The following COL14A1 variants were observed in gnomAD, a reference collection of about 807,000 sequenced individuals.
COL14A1 encodes the protein collagen alpha-1(XIV) chain.
Under a neutral mutation model 230.3 loss-of-function variants are expected in COL14A1, and 136 were observed. That is an observed-to-expected ratio of 0.59 (90% CI 0.51 to 0.68). The LOEUF (loss-of-function observed/expected upper bound fraction) is 0.68. Ranked by LOEUF, COL14A1 falls within the 30% of genes least tolerant of loss-of-function variation. The pLI, the probability that COL14A1 is intolerant of heterozygous loss-of-function variation, is 0.00. For missense variants in COL14A1, 1,976 were observed against 2,215.8 expected, an observed-to-expected ratio of 0.89 and a Z score of 2.17; for synonymous variants, 792 against 784.1, an observed-to-expected ratio of 1.01 and a Z score of -0.17.
At chr8:120,284,873 C>T (rs1026974040) in intron 32 of COL14A1, among the ~76,000 whole-genome samples, 2 of 152,038 alleles carry the variant, frequency 1.3e-5, no homozygotes, top group East Asian at 3.9e-4. Flanking sequence ...GAATTATTCT[C>T]TCACAAGGTT....
At chr8:120,153,641 G>T (rs1815365900) in intron 2 of COL14A1, among the ~76,000 whole-genome samples, 1 of 152,136 alleles carries the variant, frequency 6.6e-6, no homozygotes, top group Non-Finnish European at 1.5e-5. Context: ...CTCTCAATGT[G>T]ATTCATGCTG....
rs1217998586 is a variant in COL14A1, at chr8:120,166,922, G to GTGT, written c.350-1239_350-1238insTGT. Among the ~76,000 whole-genome samples, 490 of 134,378 alleles carry GTGT rather than the reference G, an allele frequency of 3.6e-3. 2 individuals carry two copies. The highest frequency in any genetic ancestry group is 0.011 in the African/African-American group (360 of 34,250). The allele number at this position is 134,378 out of a possible 152,430, so 88.2% of individuals were successfully genotyped here. ...TGTGTGTGTGTGTGTGTGTGTGTGT[G>GTGT]GTGGTGATGATGGTGGTGGTGGGGG... On this transcript the variant is annotated intron_variant, in intron 4 of 47. Transcript: ENST00000297848.
Position 120,199,390 on chromosome 8 carries a change from G to A in COL14A1, c.713-12G>A. ...AGATAGCTGGTGTTTACTTTTCCTTGTTTTCTCCAAGGTCTTGCTTTGAAC... is the reference window on the plus strand; with the variant it reads ...AGATAGCTGGTGTTTACTTTTCCTTATTTTCTCCAAGGTCTTGCTTTGAAC... On this transcript the variant is annotated splice_polypyrimidine_tract_variant and intron_variant, in intron 7 of 47. Coordinates refer to ENST00000297848, the MANE Select transcript of COL14A1 (RefSeq NM_021110.4). The A allele has an allele frequency of 6.4e-7, 1 of 1,558,178 alleles. No homozygotes were observed. The highest frequency in any genetic ancestry group is 2.2e-5 in the Admixed American group (1 of 46,442).
chr8:120,226,882 T>C, intron 16 of COL14A1, 116 bp downstream of exon 16: 2 of 946,576 alleles, frequency 2.1e-6, no homozygotes, highest in Non-Finnish European at 3.0e-6. Context: ...ATTAGTATTT[T>C]ACATGGCTTG....
chr8:120,327,729 A>G (rs977820077), intron 40 of COL14A1, among the ~76,000 whole-genome samples: 8 of 152,036 alleles, frequency 5.3e-5, no homozygotes, highest in Non-Finnish European at 1.0e-4. Flanking sequence ...GTAGAGCAGG[A>G]ACCTCAATCT....
intron 1 of COL14A1, among the ~76,000 whole-genome samples, chr8:120,143,647 C>G (rs1355171996): frequency 1.3e-5 from 2 of 151,842 alleles, no homozygotes; most frequent in African/African-American, 4.8e-5. Flanking sequence ...CAAAAACAAA[C>G]ACACAAAAAA....
rs1469026776 is a variant in COL14A1, at chr8:120,281,015, A to C, written c.3780A>C (p.Pro1260=). ...AGCCTGGTACCTTCAATGTGTTTCC[A>C]TGTTACCAACTCCATAAAGATGCCC... ...SMEPGTFNVF[P]CYQLHKDALV... The change falls in exon 31 of 48, where the codon CCA becomes CCC. Residue 1260 remains proline (P), a synonymous_variant. Transcript: ENST00000297848. The C allele has an allele frequency of 6.2e-7, 1 of 1,612,038 alleles. No homozygotes were observed. Among genetic ancestry groups the C allele is most frequent in the African/African-American group, 1.3e-5 (1 of 74,556 alleles).
At chr8:120,313,818 T>C (rs1422366507) in intron 37 of COL14A1, 114 bp from the exon 38 acceptor site, 4 of 648,858 alleles carry the variant, frequency 6.2e-6, no homozygotes, top group Non-Finnish European at 7.9e-6. Flanking sequence ...GTATTTCCTA[T>C]CTTAAGAAAA....
intron 22 of COL14A1, among the ~76,000 whole-genome samples, chr8:120,254,608 G>A (rs1586807607): frequency 6.6e-6 from 1 of 151,818 alleles, no homozygotes; most frequent in Non-Finnish European, 1.5e-5. Context: ...ATATAAAGGG[G>A]GTAAGATTTA....
At chr8:120,193,922 G>A (rs145971349) in intron 5 of COL14A1, among the ~76,000 whole-genome samples, 3 of 152,300 alleles carry the variant, frequency 2.0e-5, no homozygotes, top group East Asian at 3.9e-4. Flanking sequence ...ATTAGGGTGG[G>A]AGTGACCCGG....
intron 11 of COL14A1, 129 bp from the exon 12 acceptor site, chr8:120,209,625 GAA>G: frequency 1.1e-6 from 1 of 884,338 alleles, no homozygotes; most frequent in South Asian, 1.8e-5. Flanking sequence ...TTTAACCCAG[GAA>G]CTTGCAATTT....
Position 120,297,602 on chromosome 8 carries a change from C to A in COL14A1, c.4314+14C>A. ...CTTCCAGGCCTGGTAAGAATTCTTC[C>A]TTCATTTCTATTGATTTTTTAAATT... On this transcript the variant is annotated intron_variant, in intron 35 of 47. Coordinates refer to ENST00000297848, the MANE Select transcript of COL14A1 (RefSeq NM_021110.4). 1 of 1,351,938 alleles carries A rather than the reference C, an allele frequency of 7.4e-7. No homozygotes were observed. The highest frequency in any genetic ancestry group is 9.6e-7 in the Non-Finnish European group (1 of 1,037,536). 83.7% of individuals were successfully genotyped at this position (1,351,938 alleles called of 1,614,324 possible). A position where few individuals can be genotyped will look rare whatever the true frequency, so the allele number is the denominator to read the frequency against.
intron 1 of COL14A1, among the ~76,000 whole-genome samples, chr8:120,133,525 G>GA (rs1326240671): frequency 6.6e-6 from 1 of 152,048 alleles, no homozygotes; most frequent in Admixed American, 6.6e-5. Context: ...AAAGTTAAGA[G>GA]AAAAAAGTTA....
At chr8:120,289,531 T>C in intron 33 of COL14A1, 77 bp from the exon 34 acceptor site, 1 of 1,280,516 alleles carries the variant, frequency 7.8e-7, no homozygotes, top group Non-Finnish European at 1.1e-6. Flanking sequence ...TTTGTAATGA[T>C]GAATCATACA....
chr8:120,165,774 G>C (rs1313625462), intron 4 of COL14A1, among the ~76,000 whole-genome samples: 1 of 152,186 alleles, frequency 6.6e-6, no homozygotes, highest in African/African-American at 2.4e-5. Flanking sequence ...GATTAGGAGA[G>C]ACACAAGATG....
At position 120,262,899 on chromosome 8, in the gene COL14A1, A is replaced by T; in HGVS notation, c.2901A>T (p.Gly967=). 6.2e-7 allele frequency: 1 copy of T among 1,613,182 alleles called. No homozygotes were observed. The highest frequency in any genetic ancestry group is 1.1e-5 in the South Asian group (1 of 90,818). Residue 967 remains glycine, a synonymous_variant, in exon 24 of 48, where the codon GGA becomes GGT. Transcript: ENST00000297848. ...DRQKQESTVG[G]GTTRHCFYGL... The stretch of plus-strand genomic sequence containing the variant: ...AAAAGCAAGAATCCACTGTGGGTGG[A>T]GGGACAACCAGGCATTGCTTCTATG...
intron 23 of COL14A1, 95 bp from the exon 24 acceptor site, chr8:120,262,773 C>A (rs1187120222): frequency 2.5e-6 from 3 of 1,217,654 alleles, no homozygotes; most frequent in African/African-American, 1.5e-5. Context: ...TGTGGGCTAA[C>A]ATGTGAAGTA....
intron 32 of COL14A1, among the ~76,000 whole-genome samples, chr8:120,285,015 T>G (rs1410658166): frequency 6.6e-6 from 1 of 152,172 alleles, no homozygotes; most frequent in Non-Finnish European, 1.5e-5. Flanking sequence ...TAATTCATAG[T>G]ATCTTTTAAA....
intron 42 of COL14A1, among the ~76,000 whole-genome samples, chr8:120,338,835 A>C (rs543450251): frequency 1.2e-4 from 18 of 152,254 alleles, no homozygotes; most frequent in African/African-American, 4.3e-4. Context: ...GTTTCCGTTA[A>C]GGATTATTTA....
Sources: allele counts gnomAD v4.1 joint callset (sites outside exome capture counted in the v4.1 genomes callset), GRCh38; gene constraint gnomAD v4.1.1; transcripts MANE v1.5; gene names NCBI Gene and HGNC (gene_info 2026-07-23, HGNC 2026-07-21).